The following SIPA1L2 variants were observed in gnomAD, a reference collection of about 807,000 sequenced individuals.
The protein encoded by SIPA1L2 is signal-induced proliferation-associated 1-like protein 2.
A neutral mutation model predicts 163.9 loss-of-function variants in SIPA1L2; 56 were observed. The observed-to-expected ratio is 0.34, with a 90% CI of 0.28 to 0.43. SIPA1L2 has a LOEUF of 0.43. Ranked by LOEUF, SIPA1L2 falls within the 20% of genes least tolerant of loss-of-function variation. The pLI is 1.00. For missense variants in SIPA1L2, 1,974 were observed against 2,193.5 expected (o/e 0.90, Z 2.00); for synonymous variants, 877 against 865.7 (o/e 1.01, Z -0.23).
At chr1:232,400,475 C>T (rs1241758975) in intron 22 of SIPA1L2, among the ~76,000 whole-genome samples, 1 of 152,150 alleles carries the variant, frequency 6.6e-6, no homozygotes, top group Non-Finnish European at 1.5e-5. Context: ...GGAGACCGTC[C>T]CCAGCAGCTC....
chr1:232,402,417 C>T lies in SIPA1L2; in HGVS notation c.4997G>A (p.Arg1666Gln), dbSNP rs368811235. 38 of 1,613,354 alleles carry T rather than the reference C, an allele frequency of 2.4e-5. No individual in the cohort carries two copies. The highest frequency in any genetic ancestry group is 9.3e-5 in the African/African-American group (7 of 74,900). Residue 1666 changes from arginine to glutamine, a missense_variant, in exon 22 of 23, where the codon CGA (arginine) becomes CAA (glutamine). By Grantham distance (43) the Arg-to-Gln change is conservative. Coordinates refer to ENST00000674635, the MANE Select transcript of SIPA1L2 (RefSeq NM_020808.5). ...CTTCCGAAGGTCGGTCTGGAGTTGT[C>T]GAAGAATTAATTCCAGCTGATTGAC... Reference protein sequence around the residue: ...GKVNQLELILRQLQTDLRKEK... With the variant: ...GKVNQLELILQQLQTDLRKEK...
At chr1:232,484,552 C>T (rs1417386818) in intron 5 of SIPA1L2, among the ~76,000 whole-genome samples, 1 of 152,254 alleles carries the variant, frequency 6.6e-6, no homozygotes, top group East Asian at 1.9e-4. Flanking sequence ...GTAACTCTGG[C>T]TTACGATTAC....
At chr1:232,408,762 T>A (rs933992889) in intron 19 of SIPA1L2, among the ~76,000 whole-genome samples, 1 of 152,202 alleles carries the variant, frequency 6.6e-6, no homozygotes, top group African/African-American at 2.4e-5. Flanking sequence ...ACTTTAGGTA[T>A]CCTGGTTTTA....
At chr1:232,621,548 G>C (rs145303010) in intron 1 of SIPA1L2, among the ~76,000 whole-genome samples, 22 of 152,178 alleles carry the variant, frequency 1.4e-4, no homozygotes, top group African/African-American at 5.3e-4. Flanking sequence ...CTTAGTTTTT[G>C]TATCTGTAAA....
intron 2 of SIPA1L2, among the ~76,000 whole-genome samples, chr1:232,523,715 T>C (rs970165931): frequency 1.3e-5 from 2 of 152,202 alleles, no homozygotes; most frequent in African/African-American, 4.8e-5. Flanking sequence ...ACTAATATTA[T>C]TTTCCATTGA....
intron 3 of SIPA1L2, among the ~76,000 whole-genome samples, chr1:232,502,824 T>C (rs1232451704): frequency 2.6e-5 from 4 of 152,248 alleles, no homozygotes; most frequent in Admixed American, 2.6e-4. Flanking sequence ...AAATCTTCTA[T>C]TCAATAATGT....
In SIPA1L2 at chr1:232,514,897, G is replaced by A. The variant is rs769859520; in HGVS notation, c.443C>T (p.Ser148Phe). Residue 148 changes from serine to phenylalanine, a missense_variant, in exon 3 of 23, where the codon TCC (serine) becomes TTC (phenylalanine). Physicochemically the swap from Ser to Phe is radical, Grantham distance 155 (BLOSUM62 -2). Coordinates refer to ENST00000674635, the MANE Select transcript of SIPA1L2 (RefSeq NM_020808.5). ...KYTIGDIFVH[S>F]PQRGLHPIRQ... is the part of the protein sequence containing the mutation. ...TATGGGGTGAAGTCCTCTTTGGGGGGAATGGACAAAGATGTCTCCGATTGT... is the reference window on the plus strand; with the variant it reads ...TATGGGGTGAAGTCCTCTTTGGGGGAAATGGACAAAGATGTCTCCGATTGT... 22 of 1,613,946 alleles carry A rather than the reference G, an allele frequency of 1.4e-5. No homozygotes were observed. The highest frequency in any genetic ancestry group is 1.7e-5 in the Non-Finnish European group (20 of 1,180,008).
chr1:232,437,823 G>A (rs1039037773), intron 15 of SIPA1L2, among the ~76,000 whole-genome samples: 4 of 152,138 alleles, frequency 2.6e-5, no homozygotes, highest in Non-Finnish European at 4.4e-5. Context: ...CTTTCTACCC[G>A]GGGACAGACG....
chr1:232,620,023 T>C (rs1364410387), intron 1 of SIPA1L2, among the ~76,000 whole-genome samples: 2 of 152,152 alleles, frequency 1.3e-5, no homozygotes, highest in Non-Finnish European at 2.9e-5. Flanking sequence ...TAGCTGGGAT[T>C]ACAGGCACGC....
At chr1:232,560,403 A>G (rs542445945) in intron 2 of SIPA1L2, among the ~76,000 whole-genome samples, 1 of 152,362 alleles carries the variant, frequency 6.6e-6, no homozygotes, top group African/African-American at 2.4e-5. Context: ...CTGGTATTTA[A>G]TAAGGCCCTC....
intron 1 of SIPA1L2, among the ~76,000 whole-genome samples, chr1:232,626,255 A>G (rs1403563395): frequency 7.7e-6 from 1 of 129,972 alleles, no homozygotes; most frequent in African/African-American, 3.3e-5. Flanking sequence ...TTCATTTTAC[A>G]GGTAGACGAA....
At chr1:232,482,836 A>G (rs1053619148) in intron 6 of SIPA1L2, among the ~76,000 whole-genome samples, 1 of 152,138 alleles carries the variant, frequency 6.6e-6, no homozygotes, top group African/African-American at 2.4e-5. Flanking sequence ...GCTCGGCCAC[A>G]CCCTGACGCT....
intron 19 of SIPA1L2, among the ~76,000 whole-genome samples, chr1:232,414,758 AACGTCATAAGTC>A (rs1558156761): frequency 6.6e-6 from 1 of 152,160 alleles, no homozygotes. Flanking sequence ...CAAAGGGCAA[AACGTCATAAGTC>A]ACGATCCCGA....
chr1:232,588,104 A>G (rs1037264221), intron 1 of SIPA1L2, among the ~76,000 whole-genome samples: 4 of 152,152 alleles, frequency 2.6e-5, no homozygotes, highest in Non-Finnish European at 5.9e-5. Context: ...ACTCTTGAGC[A>G]CACACACACT....
chr1:232,564,239 T>TC (rs1299459003), intron 2 of SIPA1L2, among the ~76,000 whole-genome samples: 13 of 9,802 alleles, frequency 1.3e-3, no homozygotes, highest in African/African-American at 4.2e-3. Context: ...TTTTTTCGTG[T>TC]GTGTGTGTGT....
chr1:232,626,393 T>C (rs1558313436), intron 1 of SIPA1L2, among the ~76,000 whole-genome samples: 1 of 152,114 alleles, frequency 6.6e-6, no homozygotes, highest in South Asian at 2.1e-4. Flanking sequence ...GGCTATCTAG[T>C]ACTGGGGGAG....
chr1:232,470,824 T>A (rs943593090), intron 8 of SIPA1L2, among the ~76,000 whole-genome samples: 1 of 152,182 alleles, frequency 6.6e-6, no homozygotes, highest in Admixed American at 6.5e-5. Flanking sequence ...GTTTTACCAA[T>A]ACCCCACATG....
At chr1:232,438,534 T>A (rs1662697315) in intron 15 of SIPA1L2, among the ~76,000 whole-genome samples, 2 of 152,252 alleles carry the variant, frequency 1.3e-5, no homozygotes, top group Admixed American at 6.5e-5. Flanking sequence ...ATATTAAACA[T>A]CTACACTTAC....
intron 2 of SIPA1L2, among the ~76,000 whole-genome samples, chr1:232,568,143 C>T (rs2102766455): frequency 6.6e-6 from 1 of 152,296 alleles, no homozygotes; most frequent in South Asian, 2.1e-4. Context: ...CAGTGGGCCA[C>T]TCTAGCAAAT....
Sources: gnomAD v4.1 joint callset for allele counts (sites outside exome capture counted in the v4.1 genomes callset) on GRCh38, gnomAD v4.1.1 for gene constraint, MANE v1.5 for transcripts, NCBI Gene and HGNC (gene_info 2026-07-23, HGNC 2026-07-21) for gene names.